FAF1: variants seen among roughly 807,000 people sequenced by gnomAD.
FAF1 encodes Fas associated factor 1, also known as FAS-associated factor 1.
FAF1 carries 25 observed loss-of-function variants against 92.5 expected under a neutral mutation model. The ratio of observed to expected loss-of-function variants is 0.27; its 90% CI spans 0.20 to 0.38. The LOEUF is 0.38. Ranked by LOEUF, FAF1 falls within the 10% of genes least tolerant of loss-of-function variation. The probability of loss-of-function intolerance (pLI) is 1.00; values close to 1 mark genes in which losing one functional copy is unlikely to be tolerated. For missense variants in FAF1, 636 were observed against 793.3 expected, an observed-to-expected ratio of 0.80 and a Z score of 2.38; for synonymous variants, 234 against 273.2, an observed-to-expected ratio of 0.86 and a Z score of 1.42.
chr1:50,789,380 G>C (rs983254988), intron 3 of FAF1, among the ~76,000 whole-genome samples: 5 of 152,092 alleles, frequency 3.3e-5, no homozygotes, highest in African/African-American at 1.2e-4. Flanking sequence ...CCCCAACTCA[G>C]TATGTCCACA....
At chr1:50,691,027 A>C (rs767058643) in intron 7 of FAF1, among the ~76,000 whole-genome samples, 1 of 152,192 alleles carries the variant, frequency 6.6e-6, no homozygotes, top group African/African-American at 2.4e-5. Context: ...CATCTCCTAT[A>C]AACATTCACA....
intron 18 of FAF1, among the ~76,000 whole-genome samples, chr1:50,457,113 A>G (rs957095496): frequency 1.3e-5 from 2 of 151,732 alleles, no homozygotes; most frequent in Non-Finnish European, 2.9e-5. Context: ...GCTTGTTCAC[A>G]CAAGGTCTCA....
At chr1:50,817,839 T>A (rs1054536865) in intron 2 of FAF1, among the ~76,000 whole-genome samples, 1 of 152,168 alleles carries the variant, frequency 6.6e-6, no homozygotes, top group Admixed American at 6.5e-5. Context: ...CCATGATACA[T>A]GAATTATATC....
chr1:50,450,933 C>T (rs928819886), intron 18 of FAF1, among the ~76,000 whole-genome samples: 1 of 152,180 alleles, frequency 6.6e-6, no homozygotes, highest in Non-Finnish European at 1.5e-5. Context: ...CTGGAAGGGT[C>T]CCACTATGAG....
intron 2 of FAF1, among the ~76,000 whole-genome samples, chr1:50,807,992 A>G (rs763583837): frequency 4.0e-4 from 61 of 152,268 alleles, no homozygotes; most frequent in Middle Eastern, 3.4e-3. Flanking sequence ...AAGATAAAAT[A>G]TTAAAGGCAG....
chr1:50,484,507 T>A (rs1646740737), intron 17 of FAF1, among the ~76,000 whole-genome samples: 2 of 152,156 alleles, frequency 1.3e-5, no homozygotes, highest in Non-Finnish European at 2.9e-5. Flanking sequence ...CCTACCTTAT[T>A]GAATTGTAAA....
chr1:50,477,717 T>C (rs1646655159), intron 17 of FAF1, among the ~76,000 whole-genome samples: 1 of 152,184 alleles, frequency 6.6e-6, no homozygotes, highest in African/African-American at 2.4e-5. Context: ...TTTAGTACCA[T>C]AGTTATTTAT....
At chr1:50,742,153 T>A (rs370481238) in intron 5 of FAF1, among the ~76,000 whole-genome samples, 273 of 141,946 alleles carry the variant, frequency 1.9e-3, no homozygotes, top group Middle Eastern at 3.7e-3. Flanking sequence ...TACAAAAATT[T>A]AAAAAAAAAA....
intron 18 of FAF1, 51 bp downstream of exon 18, chr1:50,475,413 T>C (rs1646626268): frequency 2.8e-6 from 4 of 1,416,818 alleles, no homozygotes; most frequent in Non-Finnish European, 3.9e-6. Flanking sequence ...GCTTTAATGA[T>C]GGCACATCTC....
chr1:50,676,228 G>A (rs1168693863), intron 7 of FAF1, among the ~76,000 whole-genome samples: 2 of 151,758 alleles, frequency 1.3e-5, no homozygotes, highest in Non-Finnish European at 2.9e-5. Context: ...ACAACCTGGT[G>A]AAACCCCGTC....
At chr1:50,492,433 T>C (rs1422353437) in intron 15 of FAF1, among the ~76,000 whole-genome samples, 3 of 152,218 alleles carry the variant, frequency 2.0e-5, no homozygotes, top group East Asian at 1.9e-4. Context: ...GTTATCTAAG[T>C]TGAAAATCTC....
intron 15 of FAF1, among the ~76,000 whole-genome samples, chr1:50,531,022 A>C (rs1017421695): frequency 1.3e-5 from 2 of 152,198 alleles, no homozygotes; most frequent in African/African-American, 4.8e-5. Context: ...GGCAACAAAA[A>C]GGCTGCTGTG....
chr1:50,762,773 G>A (rs1660383143), intron 4 of FAF1, among the ~76,000 whole-genome samples: 1 of 151,898 alleles, frequency 6.6e-6, no homozygotes, highest in South Asian at 2.1e-4. Context: ...CAGGACATAG[G>A]CATGGGCAAG....
At chr1:50,595,424 T>C (rs755353565) in intron 9 of FAF1, among the ~76,000 whole-genome samples, 2 of 152,208 alleles carry the variant, frequency 1.3e-5, no homozygotes, top group Non-Finnish European at 2.9e-5. Flanking sequence ...ATCTTTGTTA[T>C]CTAAAGATAT....
At chr1:50,673,032 T>C (rs141021155) in intron 7 of FAF1, among the ~76,000 whole-genome samples, 1,979 of 152,176 alleles carry the variant, frequency 0.013, 42 homozygotes, top group African/African-American at 0.044. Flanking sequence ...CTGAAGCAGG[T>C]GGATTACCTG....
At chr1:50,512,477 C>T (rs575377619) in intron 15 of FAF1, among the ~76,000 whole-genome samples, 2 of 152,280 alleles carry the variant, frequency 1.3e-5, no homozygotes, top group Non-Finnish European at 2.9e-5. Context: ...GTTTTCCCAA[C>T]ACTATTTATT....
intron 4 of FAF1, among the ~76,000 whole-genome samples, chr1:50,785,882 C>CT (rs1661343854): frequency 6.6e-6 from 1 of 152,062 alleles, no homozygotes. Flanking sequence ...AATCCCAACA[C>CT]TTTGGGAGTC....
At chr1:50,745,353 A>T (rs1027140140) in intron 4 of FAF1, among the ~76,000 whole-genome samples, 1 of 152,180 alleles carries the variant, frequency 6.6e-6, no homozygotes, top group Non-Finnish European at 1.5e-5. Context: ...AATAATATAT[A>T]GGAGACAATT....
chr1:50,788,337 G>T, intron 3 of FAF1, 132 bp from the exon 4 acceptor site: 1 of 704,022 alleles, frequency 1.4e-6, no homozygotes, highest in Non-Finnish European at 2.4e-6. Flanking sequence ...GTCAAGGCCA[G>T]ACTTGAGTTC....
Sources: gnomAD v4.1 joint callset for allele counts (sites outside exome capture counted in the v4.1 genomes callset) on GRCh38, gnomAD v4.1.1 for gene constraint, MANE v1.5 for transcripts, NCBI Gene and HGNC (gene_info 2026-07-23, HGNC 2026-07-21) for gene names.